KARS1: variants seen among roughly 807,000 people sequenced by gnomAD.
The protein encoded by KARS1 is lysine--tRNA ligase.
A neutral mutation model predicts 63.9 loss-of-function variants in KARS1; 50 were observed. The ratio of observed to expected loss-of-function variants is 0.78; its 90% confidence interval spans 0.62 to 0.99. KARS1 has a LOEUF of 0.99. Among genes scored for constraint, KARS1 ranks in the 50% least tolerant of loss-of-function variants. KARS1 has a pLI of 0.00. For synonymous variants in KARS1, 320 were observed against 264.6 expected (o/e 1.21, Z -2.03); for missense variants, 816 against 754.5 (o/e 1.08, Z -0.95).
chr16:75,633,946 T>C (rs1597167347), intron 7 of KARS1: 17 of 538,704 alleles, frequency 3.2e-5, no homozygotes, highest in South Asian at 2.7e-4. Flanking sequence ...AAGGAGTGCC[T>C]GTATACATGG....
At chr16:75,638,544 AC>A (rs1267268941) in intron 3 of KARS1, among the ~76,000 whole-genome samples, 1 of 152,244 alleles carries the variant, frequency 6.6e-6, no homozygotes, top group Non-Finnish European at 1.5e-5. Context: ...GAAGAAAAAG[AC>A]GCAAAACATG....
chr16:75,630,521 G>C lies in KARS1; in HGVS notation c.1339-13C>G. 6.5e-7 allele frequency: 1 copy of C among 1,537,874 alleles called. No individual in the cohort carries two copies. The highest frequency in any genetic ancestry group is 9.0e-7 in the Non-Finnish European group (1 of 1,111,196). ...ACTCCCCAACAAGCTTAATGAGAAA[G>C]CAAAGCAGAGTCAGTCACCATTTCT... On this transcript the variant is annotated splice_polypyrimidine_tract_variant and intron_variant, in intron 10 of 13. Coordinates refer to ENST00000302445, the MANE Select transcript of KARS1 (RefSeq NM_005548.3).
intron 1 of KARS1, among the ~76,000 whole-genome samples, chr16:75,645,922 C>G (rs1023312415): frequency 6.7e-6 from 1 of 149,748 alleles, no homozygotes; most frequent in South Asian, 2.1e-4. Context: ...ACACTCTGAA[C>G]TGGAAACCGT....
chr16:75,631,594 G>A lies in KARS1; in HGVS notation c.1079-5C>T. On this transcript the variant is annotated splice_region_variant and splice_polypyrimidine_tract_variant and intron_variant, in intron 8 of 13. Transcript: ENST00000302445. ...CTGTAATATGCTTCACCATCCCTGG[G>A]AGAGAAACCTGTTATTTAGCGGGAA... 6.2e-7 allele frequency: 1 copy of A among 1,614,120 alleles called. No homozygotes were observed.
At chr16:75,631,907 G>T (rs761439804) in intron 7 of KARS1, 52 bp from the exon 8 acceptor site, 23 of 1,599,442 alleles carry the variant, frequency 1.4e-5, no homozygotes, top group Non-Finnish European at 1.9e-5. Flanking sequence ...TTTTTTTTGA[G>T]ATGGAGTTTT....
chr16:75,639,510 T>G (rs2082199601), intron 3 of KARS1, among the ~76,000 whole-genome samples: 1 of 142,052 alleles, frequency 7.0e-6, no homozygotes, highest in Admixed American at 7.4e-5. Flanking sequence ...GGGCAGAGGT[T>G]GCAGTAAGCT....
rs2082121189 is a variant in KARS1 at position 75,632,090 on chromosome 16, G to C, written c.916-235C>G. ...TTTTTAGTAGAGACAGGGTTTCTCTGTATTGGTCAGGCTGGTCTCGAACTC... is the reference window on the plus strand; with the variant it reads ...TTTTTAGTAGAGACAGGGTTTCTCTCTATTGGTCAGGCTGGTCTCGAACTC... On this transcript the variant is annotated intron_variant, in intron 7 of 13. Transcript: ENST00000302445. 2.0e-5 allele frequency among the ~76,000 whole-genome samples: 3 copies of C among 152,026 alleles called. No individual in the cohort carries two copies. In the South Asian group the frequency reaches 6.2e-4, roughly 32 times the overall value.
chr16:75,644,481 A>G, intron 1 of KARS1: 1 of 1,559,444 alleles, frequency 6.4e-7, no homozygotes, highest in East Asian at 2.3e-5. Flanking sequence ...AAACACAGAG[A>G]TGTGGTGTCA....
rs181318295 is a variant in KARS1 at position 75,644,164 on chromosome 16, G to A, written c.63-2441C>T. The A allele has an allele frequency of 2.7e-3, 2,231 of 815,492 alleles. 6 individuals are homozygous for A. Among genetic ancestry groups the A allele is most frequent in the Middle Eastern group, 3.7e-3 (16 of 4,274 alleles). The allele number at this position is 815,492 out of a possible 1,614,324, so 50.5% of individuals were successfully genotyped here. On this transcript the variant is annotated intron_variant, in intron 1 of 13. Transcript: ENST00000302445. Reference sequence around the variant, plus strand: ...GAAAGGACTATTGGTTTTGGTATTAGGGCTCCTTGTTTCCTTAGCAACAAG... The same window carrying A: ...GAAAGGACTATTGGTTTTGGTATTAAGGCTCCTTGTTTCCTTAGCAACAAG...
chr16:75,639,131 G>A (rs1364740797), intron 3 of KARS1, among the ~76,000 whole-genome samples: 4 of 151,974 alleles, frequency 2.6e-5, no homozygotes, highest in African/African-American at 9.7e-5. Context: ...TTGCGCCATT[G>A]CACTACAGCC....
chr16:75,631,212 C>T lies in KARS1; in HGVS notation c.1294G>A (p.Val432Ile), dbSNP rs367724914. 13 of 1,614,012 alleles carry T rather than the reference C, an allele frequency of 8.1e-6. No individual in the cohort carries two copies. Among genetic ancestry groups the T allele is most frequent in the African/African-American group, 1.3e-5 (1 of 74,948 alleles). Reference sequence around the variant, plus strand: ...GTGGTCCGAGGTGGAGGGCATTCAACAGCTTTTGCCACACAGATATCATCA... The same window carrying T: ...GTGGTCCGAGGTGGAGGGCATTCAATAGCTTTTGCCACACAGATATCATCA... The part of the protein sequence containing the change: ...ILDDICVAKA[V>I]ECPPPRTTAR... The change falls in exon 10 of 14, where the codon GTT becomes ATT. Residue 432 changes from valine (V) to isoleucine (I), a missense_variant. Physicochemically the swap from Val to Ile is conservative, Grantham distance 29. Coordinates refer to ENST00000302445, the MANE Select transcript of KARS1 (RefSeq NM_005548.3).
intron 1 of KARS1, chr16:75,644,518 C>T: frequency 7.8e-7 from 1 of 1,289,258 alleles, no homozygotes; most frequent in African/African-American, 1.5e-5. Context: ...TACATATACC[C>T]AACCAACTCT....
In KARS1 at chr16:75,627,873, T is replaced by C. The variant is rs376960548; in HGVS notation, c.*22A>G. The C allele has an allele frequency of 4.4e-5, 60 of 1,352,492 alleles. No homozygotes were observed. Among genetic ancestry groups the C allele is most frequent in the Non-Finnish European group, 5.9e-5 (56 of 942,232 alleles). The allele number at this position is 1,352,492 out of a possible 1,614,324, so 83.8% of individuals were successfully genotyped here. On this transcript the variant is annotated 3_prime_UTR_variant, in exon 14 of 14. Transcript: ENST00000302445. ...CAGAAATGCAAAGACGCCTGAGTTA[T>C]ACAACTTGCAATTATTATTTTCTAG...
chr16:75,636,592 C>A (rs374677787), intron 3 of KARS1, 45 bp from the exon 4 acceptor site: 9 of 1,183,544 alleles, frequency 7.6e-6, no homozygotes, highest in African/African-American at 6.0e-5. Context: ...AACCAGAAGT[C>A]ATTTTATGGT....
chr16:75,645,975 AATTG>A (rs2082278408), intron 1 of KARS1, among the ~76,000 whole-genome samples: 1 of 152,136 alleles, frequency 6.6e-6, no homozygotes, highest in African/African-American at 2.4e-5. Flanking sequence ...AATTCAATGT[AATTG>A]ATTATCATAG....
intron 1 of KARS1, chr16:75,644,522 C>CCATAAGAGAGTTGGTTGGGTAT: frequency 7.9e-7 from 1 of 1,259,654 alleles, no homozygotes. Context: ...TATACCCAAC[C>CCATAAGAGAGTTGGTTGGGTAT]AACTCTCTTA....
rs764493463 is a variant in KARS1 at position 75,629,498 on chromosome 16, C to A, written c.1468G>T (p.Val490Phe). 2 of 1,614,212 alleles carry A rather than the reference C, an allele frequency of 1.2e-6. No homozygotes were observed. The highest frequency in any genetic ancestry group is 1.1e-5 in the South Asian group (1 of 91,084). The change falls in exon 12 of 14, where the codon GTC becomes TTC. Residue 490 changes from valine to phenylalanine, a missense_variant. Transcript: ENST00000302445. ...EGLTERFELF[V>F]MKKEICNAYT... ...GCATTGCATATCTCTTTCTTCATGACAAACAGCTCAAAGCGCTCAGTCAGA... is the reference window on the plus strand; with the variant it reads ...GCATTGCATATCTCTTTCTTCATGAAAAACAGCTCAAAGCGCTCAGTCAGA...
At chr16:75,628,770 G>C (rs1401653306) in intron 12 of KARS1, 58 bp from the exon 13 acceptor site, 6 of 1,582,962 alleles carry the variant, frequency 3.8e-6, no homozygotes, top group Admixed American at 3.3e-5. Context: ...CAGTGTGTGA[G>C]TGAACATGTT....
rs1343045320 is a variant in KARS1, at chr16:75,628,900, C to A, written c.1552-188G>T. On this transcript the variant is annotated intron_variant, in intron 12 of 13. Transcript: ENST00000302445. ...CCGTTTCTTTCAAAGACCTGGAGGT[C>A]AGGACTGATGAAATCGACCTCAGAA... is the stretch of plus-strand genomic sequence containing the variant. The A allele has an allele frequency of 4.5e-6, 3 of 671,500 alleles. No individual in the cohort carries two copies. In the Admixed American group the frequency reaches 6.9e-5, roughly 15 times the overall value. 41.6% of individuals were successfully genotyped at this position (671,500 alleles called of 1,614,324 possible). A position where few individuals can be genotyped will look rare whatever the true frequency, so the allele number is the denominator to read the frequency against.
Sources: gnomAD v4.1 joint callset for allele counts (sites outside exome capture counted in the v4.1 genomes callset) on GRCh38, gnomAD v4.1.1 for gene constraint, MANE v1.5 for transcripts, NCBI Gene and HGNC (gene_info 2026-07-23, HGNC 2026-07-21) for gene names.